The following ATP9B variants were observed in gnomAD, a reference collection of about 807,000 sequenced individuals.
The protein encoded by ATP9B is probable phospholipid-transporting ATPase IIB.
A neutral mutation model predicts 146.1 loss-of-function variants in ATP9B; 110 were observed. The observed-to-expected ratio is 0.75, with a 90% CI of 0.65 to 0.88. ATP9B has a LOEUF of 0.88. Ranked by LOEUF, ATP9B falls within the 40% of genes least tolerant of loss-of-function variation. The pLI is 0.00. For synonymous variants in ATP9B, 604 were observed against 569.7 expected (o/e 1.06, Z -0.86); for missense variants, 1,499 against 1,496.4 (o/e 1.00, Z -0.03).
chr18:79,179,631 TA>T (rs1424277291), intron 8 of ATP9B, among the ~76,000 whole-genome samples: 12 of 152,186 alleles, frequency 7.9e-5, no homozygotes, highest in Non-Finnish European at 1.5e-4. Flanking sequence ...TATTGTTATT[TA>T]ATTCTCTTAT....
rs1418275063 is a variant in ATP9B at position 79,096,517 on chromosome 18, C to T, written c.161C>T (p.Pro54Leu). Reference sequence around the variant, plus strand: ...GAGTCTGCGCATTTGGATGAAATGCCACTAATGATGTCTGAAGAAGGCTTT... The same window carrying T: ...GAGTCTGCGCATTTGGATGAAATGCTACTAATGATGTCTGAAGAAGGCTTT... ...EDESAHLDEM[P>L]LMMSEEGFEN... is the part of the protein sequence containing the mutation. Residue 54 changes from proline to leucine, a missense_variant, in exon 2 of 30, where the codon CCA (proline) becomes CTA (leucine). Coordinates refer to ENST00000426216, the MANE Select transcript of ATP9B (RefSeq NM_198531.5). 3.7e-6 allele frequency: 6 copies of T among 1,613,818 alleles called. No individual in the cohort carries two copies. Among genetic ancestry groups the T allele is most frequent in the Non-Finnish European group, 5.1e-6 (6 of 1,179,950 alleles).
At chr18:79,362,612 A>G (rs1194566760) in intron 26 of ATP9B, 1 of 152,214 alleles carries the variant, frequency 6.6e-6, no homozygotes, top group Non-Finnish European at 1.5e-5. Flanking sequence ...AACTCTGCAC[A>G]TGTCTTCATT....
chr18:79,297,534 T>C (rs1307578086), intron 13 of ATP9B, among the ~76,000 whole-genome samples: 1 of 152,228 alleles, frequency 6.6e-6, no homozygotes, highest in Non-Finnish European at 1.5e-5. Flanking sequence ...ATATCTACTT[T>C]TTAGTGAGAC....
chr18:79,092,569 A>C (rs1568156350), intron 1 of ATP9B, among the ~76,000 whole-genome samples: 1 of 151,952 alleles, frequency 6.6e-6, no homozygotes, highest in Non-Finnish European at 1.5e-5. Context: ...GTTGCACAAA[A>C]ATATTTTCTT....
chr18:79,166,640 C>G (rs760939236), intron 7 of ATP9B, among the ~76,000 whole-genome samples: 2 of 152,224 alleles, frequency 1.3e-5, no homozygotes, highest in African/African-American at 2.4e-5. Context: ...TGAGAGGTCT[C>G]TAAGCCACAC....
chr18:79,106,906 T>C (rs1161041997), intron 2 of ATP9B, among the ~76,000 whole-genome samples: 1 of 152,174 alleles, frequency 6.6e-6, no homozygotes, highest in Admixed American at 6.5e-5. Flanking sequence ...TGGTCTTGCG[T>C]TTATAGTGTC....
Position 79,126,356 on chromosome 18 carries a change from T to C in ATP9B, c.648T>C (p.Tyr216=), listed in dbSNP as rs1029260070. 1.2e-6 allele frequency: 2 copies of C among 1,610,878 alleles called. No individual in the cohort carries two copies. Among genetic ancestry groups the C allele is most frequent in the African/African-American group, 2.7e-5 (2 of 74,910 alleles). ...ACAAGGAAGTGAATTCACAACTATATAGCAAGCTTACAGTAAGAGGTCAGC... is the reference window on the plus strand; with the variant it reads ...ACAAGGAAGTGAATTCACAACTATACAGCAAGCTTACAGTAAGAGGTCAGC... ...QRDKEVNSQL[Y]SKLTVRGKVQ... is the part of the protein sequence containing the mutation. Residue 216 remains tyrosine (Y), a synonymous_variant, in exon 5 of 30, where the codon TAT becomes TAC. Coordinates refer to ENST00000426216, the MANE Select transcript of ATP9B (RefSeq NM_198531.5).
intron 15 of ATP9B, among the ~76,000 whole-genome samples, chr18:79,318,191 C>G (rs892521589): frequency 3.3e-5 from 5 of 152,246 alleles, no homozygotes; most frequent in Non-Finnish European, 7.3e-5. Context: ...AGCATAATTC[C>G]TCTTCCTTTA....
chr18:79,139,611 A>G (rs2094490179), intron 5 of ATP9B, among the ~76,000 whole-genome samples: 1 of 152,198 alleles, frequency 6.6e-6, no homozygotes, highest in Non-Finnish European at 1.5e-5. Flanking sequence ...CAGGCATTCA[A>G]TGGGTAATAA....
At chr18:79,101,117 G>A (rs2075247925) in intron 2 of ATP9B, among the ~76,000 whole-genome samples, 1 of 151,954 alleles carries the variant, frequency 6.6e-6, no homozygotes, top group Non-Finnish European at 1.5e-5. Context: ...TGTGTGTGCA[G>A]TTCTCGGTGA....
intron 11 of ATP9B, among the ~76,000 whole-genome samples, chr18:79,234,640 C>T (rs2095823789): frequency 1.4e-5 from 2 of 142,926 alleles, no homozygotes; most frequent in African/African-American, 2.5e-5. Context: ...GGGTGTGCTG[C>T]TGTGGGCGTG....
chr18:79,267,267 A>G (rs2096212832), intron 12 of ATP9B, among the ~76,000 whole-genome samples: 1 of 151,852 alleles, frequency 6.6e-6, no homozygotes, highest in Non-Finnish European at 1.5e-5. Context: ...AACCTTTTTA[A>G]TTCTTCATAC....
chr18:79,118,546 A>G (rs1439624717), intron 4 of ATP9B, among the ~76,000 whole-genome samples: 3 of 150,948 alleles, frequency 2.0e-5, no homozygotes, highest in African/African-American at 7.3e-5. Context: ...GACTACAGAT[A>G]CCTGCCACCA....
intron 11 of ATP9B, among the ~76,000 whole-genome samples, chr18:79,226,432 T>C (rs1258527815): frequency 2.0e-5 from 3 of 152,232 alleles, no homozygotes; most frequent in Non-Finnish European, 4.4e-5. Context: ...TGTAACAAAA[T>C]GTGCAGGTAG....
chr18:79,128,083 G>A (rs1444598362), intron 5 of ATP9B, among the ~76,000 whole-genome samples: 18 of 124,380 alleles, frequency 1.4e-4, no homozygotes, highest in African/African-American at 4.9e-4. Context: ...TTTTTGAGAC[G>A]GAGTCTTGTT....
intron 17 of ATP9B, among the ~76,000 whole-genome samples, chr18:79,334,347 ACT>A (rs906111114): frequency 6.6e-5 from 10 of 151,776 alleles, no homozygotes; most frequent in African/African-American, 1.9e-4. Context: ...ACAGAGCAAG[ACT>A]CTGTCTCAAA....
chr18:79,115,341 C>A (rs995748964), intron 4 of ATP9B: 1 of 128,486 alleles, frequency 7.8e-6, no homozygotes, highest in Admixed American at 7.7e-5. Flanking sequence ...AATGGCCATA[C>A]TGCCCAAGGT....
intron 19 of ATP9B, among the ~76,000 whole-genome samples, chr18:79,341,886 C>G (rs530258039): frequency 6.6e-6 from 1 of 152,362 alleles, no homozygotes; most frequent in South Asian, 2.1e-4. Flanking sequence ...GTTCCATCCT[C>G]CTAAACGGAA....
At chr18:79,176,779 C>T (rs562080185) in intron 7 of ATP9B, 34 bp from the exon 8 acceptor site, 8 of 1,580,676 alleles carry the variant, frequency 5.1e-6, no homozygotes, top group Middle Eastern at 1.7e-4. Context: ...TGTAACAATT[C>T]AAGAGTGGTA....
Sources: allele counts gnomAD v4.1 joint callset (sites outside exome capture counted in the v4.1 genomes callset), GRCh38; gene constraint gnomAD v4.1.1; transcripts MANE v1.5; gene names NCBI Gene and HGNC (gene_info 2026-07-23, HGNC 2026-07-21).